Variants in PURG observed in about 807,000 individuals in gnomAD.
PURG encodes purine-rich element-binding protein gamma.
Under a neutral mutation model 24.3 loss-of-function variants are expected in PURG, and 3 were observed. The observed-to-expected ratio is 0.12, with a 90% confidence interval of 0.06 to 0.32. PURG has a LOEUF of 0.32. Ranked by LOEUF, PURG falls within the 10% of genes least tolerant of loss-of-function variation. The pLI, the probability that PURG is intolerant of heterozygous loss-of-function variation, is 1.00. For synonymous variants in PURG, 180 were observed against 173.1 expected, an observed-to-expected ratio of 1.04 and a Z score of -0.31; for missense variants, 371 against 439.1, an observed-to-expected ratio of 0.84 and a Z score of 1.39.
Position 31,031,882 on chromosome 8 carries a change from T to C in PURG, c.901A>G (p.Thr301Ala), listed in dbSNP as rs1327905628. ...EVRPPYRNTI[T>A]VPFKAWTRFG... ...CTTGTCCAAGCTTTGAATGGAACAG[T>C]AATAGTATTACGGTAAGGTGGTCTC... is the stretch of plus-strand genomic sequence containing the variant. Residue 301 changes from threonine (T) to alanine (A), a missense_variant, in exon 2 of 2, where the codon ACT becomes GCT. Coordinates refer to ENST00000523392, the MANE Select transcript of PURG (RefSeq NM_001323311.2). 1 of 1,613,816 alleles carries C rather than the reference T, an allele frequency of 6.2e-7. No homozygotes were observed. The highest frequency in any genetic ancestry group is 1.7e-5 in the Admixed American group (1 of 59,974).
intron 1 of PURG, among the ~76,000 whole-genome samples, chr8:31,024,818 CT>C (rs1232425595): frequency 6.6e-6 from 1 of 151,830 alleles, no homozygotes; most frequent in East Asian, 1.9e-4. Context: ...ACAACATAAG[CT>C]TTTTTTCCCC....
chr8:31,029,126 G>C (rs1811142401), downstream of PURG, among the ~76,000 whole-genome samples: 2 of 151,736 alleles, frequency 1.3e-5, no homozygotes, highest in Non-Finnish European at 1.5e-5. Context: ...CCAGAGTTTT[G>C]AACTGGATCA....
intron 1 of PURG, among the ~76,000 whole-genome samples, chr8:31,014,585 A>G (rs1242045808): frequency 6.6e-6 from 1 of 152,212 alleles, no homozygotes; most frequent in Admixed American, 6.5e-5. Context: ...TTTCCTCCCA[A>G]ATTGTGTTTC....
chr8:31,026,661 T>TAC (rs1382982114), downstream of PURG, among the ~76,000 whole-genome samples: 8 of 144,508 alleles, frequency 5.5e-5, no homozygotes, highest in East Asian at 2.0e-4. Flanking sequence ...TATATATATA[T>TAC]ACATACACAT....
In PURG at chr8:31,011,296, A is replaced by G. The variant is rs1810759951; in HGVS notation, c.865-14599T>C. The stretch of plus-strand genomic sequence containing the variant: ...CATACAGAAATCATCGCAGTCTTTT[A>G]CCATGGGCCTGAATGGAGCTTCACA... On this transcript the variant is annotated intron_variant, in intron 1 of 1. Coordinates refer to the PURG transcript ENST00000339382. Among the ~76,000 whole-genome samples the G allele has an allele frequency of 2.0e-5, 3 of 152,224 alleles. No individual in the cohort carries two copies. In the South Asian group the frequency reaches 6.2e-4, roughly 32 times the overall value.
At position 30,996,416 on chromosome 8, in the gene PURG, T is replaced by C. The variant is rs1295236252; in HGVS notation, c.*177A>G. On this transcript the variant is annotated 3_prime_UTR_variant, in exon 2 of 2. Coordinates refer to the PURG transcript ENST00000339382. ...TGGATAGAGTCGAAAGGTACTTCAA[T>C]GTGGTGGAAATTATTCAACATAAGA... 21 of 473,720 alleles carry C rather than the reference T, an allele frequency of 4.4e-5. No homozygotes were observed. The East Asian group carries it at 6.9e-4, about 15-fold the overall frequency. The allele number at this position is 473,720 out of a possible 1,614,324, so 29.3% of individuals were successfully genotyped here.
rs1811277613 is a variant in PURG at position 31,032,942 on chromosome 8, C to G, written c.-7+136G>C. 5.8e-6 allele frequency: 2 copies of G among 343,924 alleles called. No homozygotes were observed. The highest frequency in any genetic ancestry group is 1.3e-4 in the East Asian group (1 of 7,752). 21.3% of individuals were successfully genotyped at this position (343,924 alleles called of 1,614,324 possible). Reference sequence around the variant, plus strand: ...CGCAGCGCGGGGCTCCAGCCACTGCCGGCCGGTTGGCGGCCGCCGCTCCGG... The same window carrying G: ...CGCAGCGCGGGGCTCCAGCCACTGCGGGCCGGTTGGCGGCCGCCGCTCCGG... On this transcript the variant is annotated intron_variant, in intron 1 of 1. Transcript: ENST00000523392. The surrounding 1 kb of genome is among the most constrained non-coding windows in gnomAD (Gnocchi z 5.9).
intron 1 of PURG, among the ~76,000 whole-genome samples, chr8:31,003,940 T>G (rs1199070772): frequency 6.6e-6 from 1 of 152,230 alleles, no homozygotes; most frequent in Non-Finnish European, 1.5e-5. Flanking sequence ...AAAGGCCAGC[T>G]CAACCTTCTC....
chr8:31,011,359 T>C (rs1438435539), intron 1 of PURG, among the ~76,000 whole-genome samples: 2 of 152,184 alleles, frequency 1.3e-5, no homozygotes, highest in Non-Finnish European at 2.9e-5. Flanking sequence ...TCATTACCAC[T>C]TGAACACAAT....
rs761386018 is a variant in PURG at position 31,032,242 on chromosome 8, T to G, written c.541A>C (p.Arg181=). ...TCCTTTAGGTCTAGGTAATATTTCC[T>G]ATTGTCCCTCTCGATATAGTCTGTT... ...LKTDYIERDN[R]KYYLDLKENQ... The change falls in exon 2 of 2, where the codon AGG becomes CGG. Residue 181 remains arginine, a synonymous_variant. Coordinates refer to ENST00000523392, the MANE Select transcript of PURG (RefSeq NM_001323311.2). This position sits in a 1 kb window ranked among gnomAD's most constrained non-coding sequence, Gnocchi z 5.9. 1.9e-6 allele frequency: 3 copies of G among 1,614,190 alleles called. No homozygotes were observed. Among genetic ancestry groups the G allele is most frequent in the Non-Finnish European group, 2.5e-6 (3 of 1,180,032 alleles).
intron 1 of PURG, among the ~76,000 whole-genome samples, chr8:31,006,102 G>A (rs1023564573): frequency 5.9e-5 from 9 of 152,236 alleles, no homozygotes; most frequent in African/African-American, 1.2e-4. Context: ...GGGGCCACTC[G>A]TTCATCAGCT....
chr8:30,998,975 T>C (rs1261684696), intron 1 of PURG, among the ~76,000 whole-genome samples: 1 of 151,884 alleles, frequency 6.6e-6, no homozygotes, highest in Non-Finnish European at 1.5e-5. Context: ...AAGTTAAACA[T>C]TTATATTTAT....
rs1245735878 is a variant in PURG at position 31,021,791 on chromosome 8, T to C, written c.864+10128A>G. Among the ~76,000 whole-genome samples, 4 of 152,192 alleles carry C rather than the reference T, an allele frequency of 2.6e-5. No homozygotes were observed. The South Asian group carries it at 8.3e-4, about 32-fold the overall frequency. ...TCATATGAAAATGGGGATAATAGGGTTGTTATAAGGATTAGGAATAGTAGC... is the reference window on the plus strand; with the variant it reads ...TCATATGAAAATGGGGATAATAGGGCTGTTATAAGGATTAGGAATAGTAGC... On this transcript the variant is annotated intron_variant, in intron 1 of 1. Coordinates refer to the PURG transcript ENST00000339382.
intron 1 of PURG, among the ~76,000 whole-genome samples, chr8:31,016,005 A>G (rs1810855891): frequency 6.6e-6 from 1 of 152,150 alleles, no homozygotes; most frequent in Non-Finnish European, 1.5e-5. Flanking sequence ...GTGAGCTGTG[A>G]TTGGGTCACT....
chr8:31,011,507 A>T (rs1465174472), intron 1 of PURG, among the ~76,000 whole-genome samples: 2 of 152,254 alleles, frequency 1.3e-5, no homozygotes, highest in African/African-American at 4.8e-5. Context: ...TATTTTGAGC[A>T]CTATGACAGT....
chr8:31,001,343 C>T (rs1450326701), intron 1 of PURG, among the ~76,000 whole-genome samples: 1 of 152,162 alleles, frequency 6.6e-6, no homozygotes, highest in Non-Finnish European at 1.5e-5. Flanking sequence ...CATTCAGTTG[C>T]TTTGTAGCTC....
At chr8:31,001,523 T>C (rs766837001) in intron 1 of PURG, among the ~76,000 whole-genome samples, 1 of 152,200 alleles carries the variant, frequency 6.6e-6, no homozygotes, top group African/African-American at 2.4e-5. Flanking sequence ...ATTGTCCATG[T>C]TGTGAGTACC....
intron 1 of PURG, among the ~76,000 whole-genome samples, chr8:31,004,152 A>G (rs1810597722): frequency 6.6e-5 from 10 of 152,212 alleles, no homozygotes; most frequent in Admixed American, 5.9e-4. Context: ...CATGGCAAAC[A>G]ATTTAATTAG....
At chr8:31,017,367 A>G (rs1810894211) in intron 1 of PURG, among the ~76,000 whole-genome samples, 1 of 151,856 alleles carries the variant, frequency 6.6e-6, no homozygotes, top group Non-Finnish European at 1.5e-5. Flanking sequence ...CATGTGCAAT[A>G]TATGTATGTT....
Sources: gnomAD v4.1 joint callset for allele counts (sites outside exome capture counted in the v4.1 genomes callset) on GRCh38, gnomAD v4.1.1 for gene constraint, Gnocchi (gnomAD v3.1) non-coding constraint, MANE v1.5 for transcripts, NCBI Gene and HGNC (gene_info 2026-07-23, HGNC 2026-07-21) for gene names.